FHIT: variants seen among roughly 807,000 people sequenced by gnomAD.
FHIT encodes bis(5'-adenosyl)-triphosphatase.
A neutral mutation model predicts 17.9 loss-of-function variants in FHIT; 19 were observed. The observed-to-expected ratio is 1.06, with a 90% CI of 0.74 to 1.56. The LOEUF is 1.56. FHIT is among the 40% of genes most tolerant of loss of function. The pLI is 0.00. For missense variants in FHIT, 248 were observed against 189.2 expected (o/e 1.31, Z -1.82); for synonymous variants, 81 against 69.7 (o/e 1.16, Z -0.81).
At chr3:60,441,594 G>A (rs895729076) in intron 5 of FHIT, among the ~76,000 whole-genome samples, 1 of 150,318 alleles carries the variant, frequency 6.7e-6, no homozygotes, top group Admixed American at 6.7e-5. Flanking sequence ...TTTAGAAAGA[G>A]TCACATACAA....
intron 5 of FHIT, among the ~76,000 whole-genome samples, chr3:60,114,281 C>G (rs368315424): frequency 6.7e-6 from 1 of 149,672 alleles, no homozygotes; most frequent in Non-Finnish European, 1.5e-5. Flanking sequence ...AGCAGGGCTG[C>G]GACTAGAATT....
At chr3:60,607,366 C>T (rs1403195674) in intron 4 of FHIT, among the ~76,000 whole-genome samples, 3 of 151,592 alleles carry the variant, frequency 2.0e-5, no homozygotes, top group African/African-American at 4.9e-5. Flanking sequence ...GAAGAGGGCA[C>T]TTTCATGTTT....
At chr3:60,461,567 A>G (rs1439540343) in intron 5 of FHIT, among the ~76,000 whole-genome samples, 4 of 152,200 alleles carry the variant, frequency 2.6e-5, no homozygotes, top group African/African-American at 4.8e-5. Flanking sequence ...CTTCTCTCCA[A>G]CGCTGTACAG....
chr3:60,824,526 T>C (rs1702045575), intron 3 of FHIT, among the ~76,000 whole-genome samples: 2 of 152,122 alleles, frequency 1.3e-5, no homozygotes, highest in Admixed American at 1.3e-4. Flanking sequence ...ATAAATATTT[T>C]TTAAAATCAT....
At chr3:60,174,041 G>A (rs1701556304) in intron 5 of FHIT, among the ~76,000 whole-genome samples, 1 of 149,672 alleles carries the variant, frequency 6.7e-6, no homozygotes, top group South Asian at 2.1e-4. Context: ...AGCCTCCCGA[G>A]TAGCTGGGAT....
chr3:60,072,823 T>G (rs887429274), intron 5 of FHIT, among the ~76,000 whole-genome samples: 19 of 152,216 alleles, frequency 1.2e-4, no homozygotes, highest in African/African-American at 4.6e-4. Context: ...CTTTCTTAAT[T>G]ATTCATTATT....
At chr3:60,590,050 C>T (rs887889878) in intron 4 of FHIT, among the ~76,000 whole-genome samples, 1 of 151,944 alleles carries the variant, frequency 6.6e-6, no homozygotes, top group African/African-American at 2.4e-5. Context: ...TGGAAGGAGT[C>T]CTCTTTTAAT....
intron 5 of FHIT, among the ~76,000 whole-genome samples, chr3:60,117,445 T>C (rs1349073848): frequency 7.3e-6 from 1 of 137,178 alleles, no homozygotes; most frequent in Non-Finnish European, 1.5e-5. Context: ...TCCTGTACTA[T>C]AATGTCAATA....
chr3:61,245,748 A>G (rs1386858728), intron 1 of FHIT, among the ~76,000 whole-genome samples: 2 of 152,196 alleles, frequency 1.3e-5, no homozygotes, highest in African/African-American at 4.8e-5. Flanking sequence ...ATGTTTTGAA[A>G]TATGTATCCC....
At chr3:60,112,552 C>A (rs1704723294) in intron 5 of FHIT, among the ~76,000 whole-genome samples, 1 of 152,122 alleles carries the variant, frequency 6.6e-6, no homozygotes, top group African/African-American at 2.4e-5. Context: ...CAGAAACAGC[C>A]AAAGGAGGGC....
At chr3:59,835,330 C>T (rs1252996372) in intron 8 of FHIT, among the ~76,000 whole-genome samples, 2 of 152,142 alleles carry the variant, frequency 1.3e-5, no homozygotes, top group Admixed American at 1.3e-4. Flanking sequence ...ATCAATGGAG[C>T]TTTCTACCCT....
intron 3 of FHIT, among the ~76,000 whole-genome samples, chr3:60,991,559 G>C (rs75850345): frequency 0.012 from 1,780 of 152,284 alleles, 13 homozygotes; most frequent in African/African-American, 0.016. Flanking sequence ...CCCTGTCTTT[G>C]TCAGTACGGG....
Position 60,133,733 on chromosome 3 carries a change from CCTGA to C in FHIT, c.104-119585_104-119582del, listed in dbSNP as rs1215114400. ...AATGTTAACCTCTGCCAGAGCTCCTCCTGACTTTTTTTTTTTTAATCCTAAAAGA... is the reference window on the plus strand; with the variant it reads ...AATGTTAACCTCTGCCAGAGCTCCTCCTTTTTTTTTTTTAATCCTAAAAGA... On this transcript the variant is annotated intron_variant, in intron 5 of 9. Transcript: ENST00000492590. Among the ~76,000 whole-genome samples, 4 of 151,562 alleles carry C rather than the reference CCTGA, an allele frequency of 2.6e-5. No homozygotes were observed. In the East Asian group the frequency reaches 5.8e-4, roughly 22 times the overall value.
At chr3:60,248,413 A>G (rs145975903) in intron 5 of FHIT, among the ~76,000 whole-genome samples, 1 of 152,246 alleles carries the variant, frequency 6.6e-6, no homozygotes, top group Admixed American at 6.5e-5. Context: ...TAATTGTATA[A>G]TATTTCCCCT....
intron 5 of FHIT, among the ~76,000 whole-genome samples, chr3:60,032,236 G>A (rs1701030914): frequency 1.3e-5 from 2 of 151,970 alleles, no homozygotes; most frequent in African/African-American, 2.4e-5. Flanking sequence ...TGGGTGGGAG[G>A]GTTGCTCGAG....
At chr3:60,861,173 C>CTATATAGAACA (rs1287901837) in intron 3 of FHIT, among the ~76,000 whole-genome samples, 2 of 1,190 alleles carry the variant, frequency 1.7e-3, no homozygotes, top group Non-Finnish European at 6.5e-3. Context: ...ATCATATGTT[C>CTATATAGAACA]TATGATATAT....
intron 5 of FHIT, among the ~76,000 whole-genome samples, chr3:60,530,150 G>C (rs1211857415): frequency 6.6e-6 from 1 of 152,150 alleles, no homozygotes; most frequent in African/African-American, 2.4e-5. Flanking sequence ...ATCAAGGAAA[G>C]ACAGTTAAAA....
chr3:59,961,158 A>C (rs1425844949), intron 7 of FHIT, among the ~76,000 whole-genome samples: 2 of 152,174 alleles, frequency 1.3e-5, no homozygotes, highest in Non-Finnish European at 2.9e-5. Context: ...TGTTAGGAAC[A>C]CTAGCTATTA....
chr3:60,919,027 C>T (rs2107305001), intron 3 of FHIT, among the ~76,000 whole-genome samples: 1 of 152,176 alleles, frequency 6.6e-6, no homozygotes, highest in East Asian at 1.9e-4. Context: ...CAATCATGGA[C>T]TAAATATCTG....
Sources: allele counts gnomAD v4.1 joint callset (sites outside exome capture counted in the v4.1 genomes callset), GRCh38; gene constraint gnomAD v4.1.1; transcripts MANE v1.5; gene names NCBI Gene and HGNC (gene_info 2026-07-23, HGNC 2026-07-21).